ELOVL6: variants seen among roughly 807,000 people sequenced by gnomAD.
ELOVL6 encodes the protein very long chain fatty acid elongase 6.
A neutral mutation model predicts 31.7 loss-of-function variants in ELOVL6; 8 were observed. The ratio of observed to expected loss-of-function variants is 0.25; its 90% CI spans 0.15 to 0.45. ELOVL6 has a LOEUF of 0.45. ELOVL6 is among the 20% of genes least tolerant of loss of function. The pLI is 1.00. For missense variants in ELOVL6, 126 were observed against 326.4 expected, an observed-to-expected ratio of 0.39 and a Z score of 4.73; for synonymous variants, 101 against 117.7, an observed-to-expected ratio of 0.86 and a Z score of 0.92.
chr4:110,147,278 T>TAAAAAAAAAAAAAAAA (rs34418243), intron 1 of ELOVL6: 1 of 129,458 alleles, frequency 7.7e-6, no homozygotes, highest in Non-Finnish European at 1.6e-5. Flanking sequence ...CAATTAAAAG[T>TAAAAAAAAAAAAAAAA]AAAAAAAAAA....
At chr4:110,123,156 A>T (rs1198781313) in intron 1 of ELOVL6, among the ~76,000 whole-genome samples, 1 of 152,220 alleles carries the variant, frequency 6.6e-6, no homozygotes, top group Non-Finnish European at 1.5e-5. Flanking sequence ...TTTTGGACAT[A>T]CTTTTAACAG....
intron 1 of ELOVL6, among the ~76,000 whole-genome samples, chr4:110,167,197 C>G (rs887563530): frequency 6.6e-6 from 1 of 152,196 alleles, no homozygotes; most frequent in African/African-American, 2.4e-5. Flanking sequence ...TTGAGACACA[C>G]TTCTGGTTCT....
At chr4:110,158,903 C>A (rs994687576) in intron 1 of ELOVL6, among the ~76,000 whole-genome samples, 2 of 151,848 alleles carry the variant, frequency 1.3e-5, no homozygotes, top group East Asian at 3.9e-4. Flanking sequence ...TCAGGTGATC[C>A]GCCTGCCTTG....
chr4:110,175,579 C>T (rs1403460113), intron 1 of ELOVL6, among the ~76,000 whole-genome samples: 1 of 152,122 alleles, frequency 6.6e-6, no homozygotes, highest in African/African-American at 2.4e-5. Context: ...CATATATTAA[C>T]TCATTTAATC....
At chr4:110,064,807 A>T (rs1450862312) in intron 2 of ELOVL6, among the ~76,000 whole-genome samples, 1 of 152,148 alleles carries the variant, frequency 6.6e-6, no homozygotes, top group Non-Finnish European at 1.5e-5. Context: ...AATGTTTAAA[A>T]ATCTACTTTC....
chr4:110,103,955 A>G (rs946143943), intron 2 of ELOVL6, among the ~76,000 whole-genome samples: 4 of 152,240 alleles, frequency 2.6e-5, no homozygotes, highest in East Asian at 1.9e-4. Context: ...TATGATTTCA[A>G]TAAGAATTAT....
chr4:110,162,000 G>A (rs1174886756), intron 1 of ELOVL6, among the ~76,000 whole-genome samples: 1 of 152,192 alleles, frequency 6.6e-6, no homozygotes, highest in Non-Finnish European at 1.5e-5. Context: ...TCTCTGAAGA[G>A]CACACTGGCT....
rs975554461 is a variant in ELOVL6 at position 110,051,984 on chromosome 4, G to C, written c.374-222C>G. Among the ~76,000 whole-genome samples the C allele has an allele frequency of 6.6e-6, 1 of 152,158 alleles. No individual in the cohort carries two copies. The highest frequency in any genetic ancestry group is 1.5e-5 in the Non-Finnish European group (1 of 68,022). ...ATATAAATGGTGATAATTTAAAAGA[G>C]TAGCATGGAATCACCTGAGGATTAA... On this transcript the variant is annotated intron_variant, in intron 3 of 3. Transcript: ENST00000302274. The surrounding 1 kb of genome is among the most constrained non-coding windows in gnomAD (Gnocchi z 4.8).
At chr4:110,062,731 G>A (rs1755181996) in intron 2 of ELOVL6, among the ~76,000 whole-genome samples, 1 of 152,094 alleles carries the variant, frequency 6.6e-6, no homozygotes, top group Non-Finnish European at 1.5e-5. Flanking sequence ...GGCCATCCCT[G>A]GACCACACAT....
rs867266275 is a variant in ELOVL6 at position 110,169,238 on chromosome 4, G to T, written c.89+29009C>A. On this transcript the variant is annotated intron_variant, in intron 1 of 3. Coordinates refer to ENST00000302274, the MANE Select transcript of ELOVL6 (RefSeq NM_024090.3). ...CCCCAACAGAGTTTTGGGGTTTTTT[G>T]TTTTGTTTTTTTTTTTTTGAGACGG... Among the ~76,000 whole-genome samples the T allele has an allele frequency of 4.4e-3, 608 of 136,722 alleles. 13 individuals carry two copies. The highest frequency in any genetic ancestry group is 0.01 in the South Asian group (45 of 4,440). 89.7% of individuals were successfully genotyped at this position (136,722 alleles called of 152,430 possible).
chr4:110,058,696 G>A (rs1755061739), intron 3 of ELOVL6, among the ~76,000 whole-genome samples: 1 of 152,154 alleles, frequency 6.6e-6, no homozygotes, highest in East Asian at 1.9e-4. Flanking sequence ...AAAGTTAACT[G>A]CGGTTTTGCC....
chr4:110,155,224 G>A (rs1330524978), intron 1 of ELOVL6, among the ~76,000 whole-genome samples: 1 of 152,012 alleles, frequency 6.6e-6, no homozygotes, highest in East Asian at 1.9e-4. Flanking sequence ...CTTCTTAAAA[G>A]TTTTTCAATT....
chr4:110,092,636 A>G (rs183853980), intron 2 of ELOVL6, among the ~76,000 whole-genome samples: 2 of 152,310 alleles, frequency 1.3e-5, no homozygotes, highest in East Asian at 1.9e-4. Context: ...ATTCTCTTTA[A>G]TGTTTCCTTC....
chr4:110,181,109 G>A (rs966767595), intron 1 of ELOVL6, among the ~76,000 whole-genome samples: 1 of 151,684 alleles, frequency 6.6e-6, no homozygotes, highest in African/African-American at 2.4e-5. Flanking sequence ...CTATCCTCCA[G>A]CGTGGGAGAC....
chr4:110,101,460 G>A (rs1756738447), intron 2 of ELOVL6, among the ~76,000 whole-genome samples: 1 of 150,618 alleles, frequency 6.6e-6, no homozygotes, highest in Non-Finnish European at 1.5e-5. Context: ...GATTAGATAT[G>A]AACATGTGTA....
At chr4:110,124,687 T>C (rs907880117) in intron 1 of ELOVL6, among the ~76,000 whole-genome samples, 2 of 152,040 alleles carry the variant, frequency 1.3e-5, no homozygotes, top group African/African-American at 2.4e-5. Context: ...ACCTGTACAT[T>C]CTGCACATGT....
chr4:110,105,572 T>C lies in ELOVL6; in HGVS notation c.146A>G (p.His49Arg). 1 of 1,613,778 alleles carries C rather than the reference T, an allele frequency of 6.2e-7. No homozygotes were observed. Among genetic ancestry groups the C allele is most frequent in the African/African-American group, 1.3e-5 (1 of 75,018 alleles). ...AAACTTTGCTCGTTTATTCATTAGG[T>C]GCCGACCACCGAATATAAAGGCAGC... Reference protein sequence around the residue: ...LYAAFIFGGRHLMNKRAKFEL... With the variant: ...LYAAFIFGGRRLMNKRAKFEL... Residue 49 changes from histidine to arginine, a missense_variant, in exon 2 of 4, where the codon CAC becomes CGC. His to Arg is a conservative substitution (Grantham distance 29). Coordinates refer to ENST00000302274, the MANE Select transcript of ELOVL6 (RefSeq NM_024090.3).
chr4:110,121,653 T>G (rs986055770), intron 1 of ELOVL6, among the ~76,000 whole-genome samples: 1 of 152,062 alleles, frequency 6.6e-6, no homozygotes, highest in Non-Finnish European at 1.5e-5. Context: ...GAGCCGAGAT[T>G]GCGCCACTGC....
intron 2 of ELOVL6, among the ~76,000 whole-genome samples, chr4:110,083,683 T>C (rs1755956660): frequency 2.0e-5 from 3 of 151,508 alleles, no homozygotes; most frequent in Non-Finnish European, 4.4e-5. Flanking sequence ...ATTACTACAT[T>C]AATATAAATG....
Sources: gnomAD v4.1 joint callset for allele counts (sites outside exome capture counted in the v4.1 genomes callset) on GRCh38, gnomAD v4.1.1 for gene constraint, Gnocchi (gnomAD v3.1) non-coding constraint, MANE v1.5 for transcripts, NCBI Gene and HGNC (gene_info 2026-07-23, HGNC 2026-07-21) for gene names.